IGSF10: variants seen among roughly 807,000 people sequenced by gnomAD.
The protein encoded by IGSF10 is calvaria mechanical force protein 608.
Under a neutral mutation model 128.2 loss-of-function variants are expected in IGSF10, and 126 were observed. The ratio of observed to expected loss-of-function variants is 0.98; its 90% CI spans 0.85 to 1.14. The LOEUF is 1.14. IGSF10 is among the 50% of genes most tolerant of loss of function. The pLI, the probability that IGSF10 is intolerant of heterozygous loss-of-function variation, is 0.00. For missense variants in IGSF10, 3,295 were observed against 3,149.8 expected, an observed-to-expected ratio of 1.05 and a Z score of -1.10; for synonymous variants, 1,185 against 1,146.2, an observed-to-expected ratio of 1.03 and a Z score of -0.68.
At chr3:151,487,218 C>G in the IGSF10 span, among the ~76,000 whole-genome samples, 5 of 152,154 alleles carry the variant, frequency 3.3e-5, no homozygotes, top group African/African-American at 9.7e-5. Context: ...TGCAAATAAA[C>G]TAGAAAATCT....
chr3:151,579,657 A>G, the IGSF10 span, among the ~76,000 whole-genome samples: 488 of 152,158 alleles, frequency 3.2e-3, 3 homozygotes, highest in African/African-American at 0.011. Context: ...ATATGGTCTA[A>G]TATATGAGCA....
In IGSF10 at chr3:151,445,916, C is replaced by G. The variant is rs147000358; in HGVS notation, c.4065G>C (p.Arg1355Ser). 2.8e-4 allele frequency: 455 copies of G among 1,613,950 alleles called. 2 individuals carry two copies. Among genetic ancestry groups the G allele is most frequent in the Admixed American group, 6.7e-5 (4 of 59,988 alleles). The change falls in exon 6 of 8, where the codon AGG (arginine) becomes AGC (serine). Residue 1355 changes from arginine to serine, a missense_variant. Coordinates refer to ENST00000282466, the MANE Select transcript of IGSF10 (RefSeq NM_178822.5). The stretch of plus-strand genomic sequence containing the variant: ...GGTCTGGAGAGATGTTTGGGTCAGT[C>G]CTGTTCTTCTTTTGAGGCTCCTGTT... ...QREQEPQKKNRTDPNISPDQS... is the reference protein window; with the variant it reads ...QREQEPQKKNSTDPNISPDQS...
chr3:151,592,876 CTTAATATAATGTT>C, the IGSF10 span, among the ~76,000 whole-genome samples: 14 of 152,008 alleles, frequency 9.2e-5, no homozygotes, highest in Non-Finnish European at 1.9e-4. Context: ...CACATCTAAA[CTTAATATAATGTT>C]TGGGTATTGC....
At chr3:151,604,196 T>G in the IGSF10 span, among the ~76,000 whole-genome samples, 3 of 152,202 alleles carry the variant, frequency 2.0e-5, no homozygotes, top group South Asian at 4.1e-4. Flanking sequence ...TTATGAGAAC[T>G]ATTTAATAGT....
At chr3:151,476,659 A>G in the IGSF10 span, among the ~76,000 whole-genome samples, 1 of 152,146 alleles carries the variant, frequency 6.6e-6, no homozygotes. Context: ...TTAAGCTTTC[A>G]GGCCCCCAGG....
Position 151,445,125 on chromosome 3 carries a change from C to A in IGSF10, c.4856G>T (p.Ser1619Ile). 6.2e-7 allele frequency: 1 copy of A among 1,614,136 alleles called. No homozygotes were observed. The change falls in exon 6 of 8, where the codon AGT becomes ATT. Residue 1619 changes from serine to isoleucine, a missense_variant. By Grantham distance (142) the Ser-to-Ile change is moderately radical (BLOSUM62 -2). Transcript: ENST00000282466. Reference sequence around the variant, plus strand: ...TTGAACTGGTTTCTTATCAAAGTCACTCTTCTTTGTGTTCTTCTGTCCATC... The same window carrying A: ...TTGAACTGGTTTCTTATCAAAGTCAATCTTCTTTGTGTTCTTCTGTCCATC... ...DWDGQKNTKKSDFDKKPVQEA... is the reference protein window; with the variant it reads ...DWDGQKNTKKIDFDKKPVQEA...
chr3:151,434,998 A>C (rs966177699), downstream of IGSF10: 1 of 151,878 alleles, frequency 6.6e-6, no homozygotes, highest in Non-Finnish European at 1.5e-5. Context: ...ATTATAAAGA[A>C]AATAACTAGA....
the IGSF10 span, among the ~76,000 whole-genome samples, chr3:151,505,240 T>C: frequency 3.0e-4 from 45 of 152,260 alleles, 1 homozygote; most frequent in South Asian, 9.3e-3. Context: ...CTTACAATCA[T>C]GGTGGAAAAG....
the IGSF10 span, among the ~76,000 whole-genome samples, chr3:151,530,334 G>C: frequency 6.6e-6 from 1 of 152,158 alleles, no homozygotes; most frequent in African/African-American, 2.4e-5. Flanking sequence ...AGCAAGGTAG[G>C]CCACATTCAA....
chr3:151,598,919 G>A, the IGSF10 span, among the ~76,000 whole-genome samples: 33 of 152,220 alleles, frequency 2.2e-4, no homozygotes, highest in Middle Eastern at 3.4e-3. Context: ...TGTGTTCCAG[G>A]CATATTCTAG....
chr3:151,543,990 A>T, the IGSF10 span, among the ~76,000 whole-genome samples: 4 of 152,214 alleles, frequency 2.6e-5, no homozygotes, highest in South Asian at 8.3e-4. Context: ...GCTCACTGCA[A>T]CCTCTGCCTC....
chr3:151,583,169 T>G, the IGSF10 span, among the ~76,000 whole-genome samples: 9 of 151,952 alleles, frequency 5.9e-5, no homozygotes, highest in Non-Finnish European at 1.5e-5. Context: ...CTTTTCTTTA[T>G]TATTTATTCT....
the IGSF10 span, among the ~76,000 whole-genome samples, chr3:151,498,140 C>T: frequency 9.2e-5 from 14 of 152,164 alleles, no homozygotes; most frequent in Non-Finnish European, 1.8e-4. Flanking sequence ...TTGACTTCCT[C>T]TTTTCCTAAT....
the IGSF10 span, among the ~76,000 whole-genome samples, chr3:151,614,856 G>C: frequency 6.7e-6 from 1 of 148,518 alleles, no homozygotes; most frequent in East Asian, 2.0e-4. Context: ...AAGGTAAAGT[G>C]AAGTATAGGA....
the IGSF10 span, among the ~76,000 whole-genome samples, chr3:151,615,770 C>T: frequency 6.6e-6 from 1 of 151,848 alleles, no homozygotes; most frequent in Non-Finnish European, 1.5e-5. Context: ...ATACAAAGGT[C>T]GAGAAGAATC....
At chr3:151,577,084 G>A in the IGSF10 span, among the ~76,000 whole-genome samples, 1 of 152,006 alleles carries the variant, frequency 6.6e-6, no homozygotes, top group Non-Finnish European at 1.5e-5. Context: ...CTGTCATGTG[G>A]TTTTACGTTA....
At chr3:151,605,088 G>A in the IGSF10 span, among the ~76,000 whole-genome samples, 3 of 152,086 alleles carry the variant, frequency 2.0e-5, no homozygotes, top group African/African-American at 2.4e-5. Context: ...TTCAGCCTAC[G>A]CTTAGGGGCC....
At chr3:151,517,135 G>A in the IGSF10 span, among the ~76,000 whole-genome samples, 2 of 151,942 alleles carry the variant, frequency 1.3e-5, no homozygotes, top group Non-Finnish European at 2.9e-5. Context: ...AAAGGCTATG[G>A]TTACACAACA....
the IGSF10 span, among the ~76,000 whole-genome samples, chr3:151,579,206 A>G: frequency 3.3e-5 from 5 of 152,334 alleles, no homozygotes; most frequent in South Asian, 1.0e-3. Context: ...CCATTATCTG[A>G]GTCAATTCCT....
Sources: allele counts gnomAD v4.1 joint callset (sites outside exome capture counted in the v4.1 genomes callset), GRCh38; gene constraint gnomAD v4.1.1; transcripts MANE v1.5; gene names NCBI Gene and HGNC (gene_info 2026-07-23, HGNC 2026-07-21).